Variants in LTBP3 observed in about 807,000 individuals in gnomAD.
The protein encoded by LTBP3 is latent transforming growth factor beta binding protein 3.
In LTBP3, 97 loss-of-function variants were observed where a neutral mutation model predicts 159.7. That is an observed-to-expected ratio of 0.61 (90% confidence interval 0.52 to 0.72). LTBP3 has a LOEUF of 0.72. Among genes scored for constraint, LTBP3 ranks in the 30% least tolerant of loss-of-function variants. The pLI is 0.00. For missense variants in LTBP3, 1,584 were observed against 1,864.3 expected (o/e 0.85, Z 2.77); for synonymous variants, 824 against 777.1 (o/e 1.06, Z -1.00).
At chr11:65,540,734 C>CAGGAGGGGCGGGGCCTAT in intron 21 of LTBP3, 120 bp from the exon 22 acceptor site, 1 of 1,515,658 alleles carries the variant, frequency 6.6e-7, no homozygotes, top group Non-Finnish European at 9.0e-7. Flanking sequence ...GCGGGGCCTA[C>CAGGAGGGGCGGGGCCTAT]AGGGCGGGGC....
Position 65,551,572 on chromosome 11 carries a change from GGAA to G in LTBP3, c.1532-11_1532-9del. The G allele has an allele frequency of 2.5e-6, 4 of 1,613,996 alleles. No homozygotes were observed. The highest frequency in any genetic ancestry group is 1.1e-5 in the South Asian group (1 of 91,082). On this transcript the variant is annotated splice_polypyrimidine_tract_variant and intron_variant, in intron 8 of 27. Coordinates refer to ENST00000301873, the MANE Select transcript of LTBP3 (RefSeq NM_001130144.3). ...CTGAGTCCGTGGTCACCCCTAAAAG[GGAA>G]GAAGATGGGGCCATGAAGTGTTGGG...
chr11:65,539,320 C>T lies in LTBP3; in HGVS notation c.3760+8G>A, dbSNP rs777237247. The T allele has an allele frequency of 2.4e-5, 37 of 1,512,084 alleles. 1 individual carries two copies. The South Asian group carries it at 3.8e-4, about 15-fold the overall frequency. The allele number at this position is 1,512,084 out of a possible 1,614,324, so 93.7% of individuals were successfully genotyped here. A position where few individuals can be genotyped will look rare whatever the true frequency, so the allele number is the denominator to read the frequency against. ...CGCCCCTGCCCCCACCCCCGAAGCC[C>T]GGCTCACCCACGCAGCGGGCGCGGG... On this transcript the variant is annotated splice_region_variant and intron_variant, in intron 27 of 27. Transcript: ENST00000301873.
Position 65,540,348 on chromosome 11 carries a change from C to T in LTBP3, c.3141G>A (p.Arg1047=), listed in dbSNP as rs1173783574. The T allele has an allele frequency of 2.5e-6, 4 of 1,588,512 alleles. No homozygotes were observed. Among genetic ancestry groups the T allele is most frequent in the South Asian group, 1.1e-5 (1 of 87,728 alleles). ...VDECLDESNC[R]NGVCENTRGG... ...CGCGCGTGTTCTCACACACTCCGTTCCGGCAGTTGGACTCGTCCAGGCACT... is the reference window on the plus strand; with the variant it reads ...CGCGCGTGTTCTCACACACTCCGTTTCGGCAGTTGGACTCGTCCAGGCACT... Residue 1047 remains arginine (R), a synonymous_variant, in exon 23 of 28, where the codon CGG becomes CGA. Transcript: ENST00000301873.
chr11:65,539,026 G>T lies in LTBP3; in HGVS notation c.*54C>A, dbSNP rs1028187712. ...TCGGGGCAGAAGTGAGGCCGAGCTC[G>T]CGGAAATCCCTCAGTGATCACCGAG... On this transcript the variant is annotated 3_prime_UTR_variant, in exon 28 of 28. Coordinates refer to ENST00000301873, the MANE Select transcript of LTBP3 (RefSeq NM_001130144.3). The T allele has an allele frequency of 9.0e-6, 12 of 1,326,354 alleles. No homozygotes were observed. The highest frequency in any genetic ancestry group is 1.2e-5 in the Non-Finnish European group (12 of 1,039,546). 82.2% of individuals were successfully genotyped at this position (1,326,354 alleles called of 1,614,324 possible).
chr11:65,547,873 G>T lies in LTBP3; in HGVS notation c.1846+47C>A, dbSNP rs1205741671. ...AGTCAAAGGAAGCGTCGTTATCTGG[G>T]GTCCCCCCCCACCCACCTGCATGCC... On this transcript the variant is annotated intron_variant, in intron 12 of 27. Transcript: ENST00000301873. This position sits in a 1 kb window ranked among gnomAD's most constrained non-coding sequence, Gnocchi z 4.6. 6.2e-7 allele frequency: 1 copy of T among 1,613,130 alleles called. No individual in the cohort carries two copies. Among genetic ancestry groups the T allele is most frequent in the Non-Finnish European group, 8.5e-7 (1 of 1,179,914 alleles).
In LTBP3 at chr11:65,541,630, T is replaced by C. The variant is rs751715996; in HGVS notation, c.2695A>G (p.Thr899Ala). The C allele has an allele frequency of 1.2e-6, 2 of 1,613,762 alleles. No homozygotes were observed. Among genetic ancestry groups the C allele is most frequent in the South Asian group, 2.2e-5 (2 of 91,072 alleles). Reference sequence around the variant, plus strand: ...CAACCGTGCTGGTCCTGGGTGGGAGTGAAGCCCTCATCGCAGACACACACA... The same window carrying C: ...CAACCGTGCTGGTCCTGGGTGGGAGCGAAGCCCTCATCGCAGACACACACA... ...SYVCVCDEGFTPTQDQHGCEE... is the reference protein window; with the variant it reads ...SYVCVCDEGFAPTQDQHGCEE... Residue 899 changes from threonine to alanine, a missense_variant, in exon 19 of 28, where the codon ACT (threonine) becomes GCT (alanine). By Grantham distance (58) the Thr-to-Ala change is moderately conservative. This residue lies in a region of LTBP3 where 565 missense variants were observed against 677.7 expected (regional missense o/e 0.83). Coordinates refer to ENST00000301873, the MANE Select transcript of LTBP3 (RefSeq NM_001130144.3).
In LTBP3 at chr11:65,539,575, G is replaced by A. The variant is rs763322985; in HGVS notation, c.3601C>T (p.Pro1201Ser). Residue 1201 changes from proline (P) to serine (S), a missense_variant, in exon 26 of 28, where the codon CCC becomes TCC. By Grantham distance (74) the Pro-to-Ser change is moderately conservative. Around this residue, in one of 6 missense-constraint regions of LTBP3, gnomAD observed 514 missense variants for 530.3 expected, o/e 0.97. Coordinates refer to ENST00000301873, the MANE Select transcript of LTBP3 (RefSeq NM_001130144.3). ...SESNSFWDTS[P>S]LLLGKPPRDE... is the part of the protein sequence containing the mutation. The stretch of plus-strand genomic sequence containing the variant: ...CTTGGGGGCTTCCCCAACAGCAGGG[G>A]GCTTGTGTCCCAGAAGGAATTGCTC... The A allele has an allele frequency of 4.3e-6, 7 of 1,612,716 alleles. No individual in the cohort carries two copies. Among genetic ancestry groups the A allele is most frequent in the Admixed American group, 1.7e-5 (1 of 59,940 alleles).
rs371902308 is a variant in LTBP3, at chr11:65,557,610, C to G, written c.331+19G>C. 3.4e-5 allele frequency: 55 copies of G among 1,606,882 alleles called. No homozygotes were observed. The African/African-American group carries it at 6.5e-4, about 19-fold the overall frequency. On this transcript the variant is annotated intron_variant, in intron 1 of 27. Coordinates refer to ENST00000301873, the MANE Select transcript of LTBP3 (RefSeq NM_001130144.3). ...GTGCCTGTCCTTCCCCTGCCCCCAG[C>G]CGTGCCCCCGGCCCTCACCCACGCG...
Position 65,539,164 on chromosome 11 carries a change from G to A in LTBP3, c.3828C>T (p.Thr1276=). The change falls in exon 28 of 28, where the codon ACC becomes ACT. Residue 1276 remains threonine (T), a synonymous_variant. Coordinates refer to ENST00000301873, the MANE Select transcript of LTBP3 (RefSeq NM_001130144.3). ...LLCKSERCVN[T]SGSFRCVCKA... ...TGCAGACGCAGCGGAAGGAGCCGCT[G>A]GTGTTCACGCAGCGCTCGCTCTTGC... The A allele has an allele frequency of 6.6e-7, 1 of 1,505,754 alleles. No homozygotes were observed. The highest frequency in any genetic ancestry group is 8.9e-7 in the Non-Finnish European group (1 of 1,122,788). 93.3% of individuals were successfully genotyped at this position (1,505,754 alleles called of 1,614,324 possible). A position where few individuals can be genotyped will look rare whatever the true frequency, so the allele number is the denominator to read the frequency against.
chr11:65,551,791 G>A (rs1856622946), intron 8 of LTBP3, 181 bp downstream of exon 8: 2 of 930,486 alleles, frequency 2.1e-6, no homozygotes, highest in Admixed American at 1.8e-5. Context: ...AGGCTTAGGA[G>A]GTTATAGCTC....
intron 26 of LTBP3, 30 bp downstream of exon 26, chr11:65,539,518 C>A: frequency 6.2e-7 from 1 of 1,606,262 alleles, no homozygotes; most frequent in South Asian, 1.1e-5. Flanking sequence ...GGCTACCAAC[C>A]CCGCCACCGC....
In LTBP3 at chr11:65,558,110, G is replaced by T. The variant is rs1856878198; in HGVS notation, c.-151C>A. On this transcript the variant is annotated 5_prime_UTR_variant, in exon 1 of 28. Coordinates refer to ENST00000301873, the MANE Select transcript of LTBP3 (RefSeq NM_001130144.3). ...AAGCGGGCGGGAGGGGACCGCGGGG[G>T]CCCGGCGGGAGGCGCGGAGATGCAG... 9.3e-7 allele frequency: 1 copy of T among 1,078,798 alleles called. No homozygotes were observed. The highest frequency in any genetic ancestry group is 1.1e-6 in the Non-Finnish European group (1 of 889,040). The allele number at this position is 1,078,798 out of a possible 1,614,324, so 66.8% of individuals were successfully genotyped here.
intron 24 of LTBP3, 57 bp from the exon 25 acceptor site, chr11:65,539,938 G>GCCCCA (rs1337861517): frequency 2.2e-5 from 32 of 1,470,064 alleles, no homozygotes; most frequent in Non-Finnish European, 2.8e-5. Flanking sequence ...GCCCGCCTCC[G>GCCCCA]CCCCACCCCA....
Position 65,547,945 on chromosome 11 carries a change from T to G in LTBP3, c.1821A>C (p.Ser607=). Residue 607 remains serine, a synonymous_variant, in exon 12 of 28, where the codon TCA becomes TCC. Transcript: ENST00000301873. The surrounding 1 kb of genome is among the most constrained non-coding windows in gnomAD (Gnocchi z 4.6). ...YSCHCNPGYR[S]HPQHRYCVDV... ...CCACGCAGTAGCGGTGCTGGGGATG[T>G]GACCGGTAGCCGGGGTTGCAGTGGC... 6.2e-7 allele frequency: 1 copy of G among 1,613,696 alleles called. No individual in the cohort carries two copies. The highest frequency in any genetic ancestry group is 8.5e-7 in the Non-Finnish European group (1 of 1,179,948).
rs371428846 is a variant in LTBP3, at chr11:65,539,627, C to T, written c.3549G>A (p.Gly1183=). ...QCRPCPPRGA[G]SHCPTSQSES... ...CGCTCTGCGATGTCGGGCAATGGGA[C>T]CCTGGGAGGAGCAGAACTGGTCAGC... is the stretch of plus-strand genomic sequence containing the variant. The change falls in exon 26 of 28, where the codon GGG becomes GGA. Residue 1183 remains glycine (G), a splice_region_variant and synonymous_variant. Coordinates refer to ENST00000301873, the MANE Select transcript of LTBP3 (RefSeq NM_001130144.3). 2.0e-5 allele frequency: 33 copies of T among 1,609,894 alleles called. No individual in the cohort carries two copies. The highest frequency in any genetic ancestry group is 2.8e-5 in the Non-Finnish European group (33 of 1,178,750).
At chr11:65,551,610 G>C in intron 8 of LTBP3, 46 bp from the exon 9 acceptor site, 1 of 1,613,324 alleles carries the variant, frequency 6.2e-7, no homozygotes, top group Non-Finnish European at 8.5e-7. Context: ...GGCGGGAGAA[G>C]GGAGTCAGAT....
At chr11:65,549,761 A>G (rs1321758844) in intron 11 of LTBP3, among the ~76,000 whole-genome samples, 25 of 146,774 alleles carry the variant, frequency 1.7e-4, no homozygotes, top group Admixed American at 2.7e-4. Context: ...GGCCGGGAAA[A>G]AAAAAAAAAA....
chr11:65,546,363 T>A lies in LTBP3; in HGVS notation c.2353+79A>T, dbSNP rs1029550964. ...GAATGAGCCACCTTCCACCCACTGT[T>A]TACAGACAGCGTGACCCGCTCCCCG... On this transcript the variant is annotated intron_variant, in intron 16 of 27. Coordinates refer to ENST00000301873, the MANE Select transcript of LTBP3 (RefSeq NM_001130144.3). The surrounding 1 kb of genome is among the most constrained non-coding windows in gnomAD (Gnocchi z 4.0). 7 of 1,456,010 alleles carry A rather than the reference T, an allele frequency of 4.8e-6. No individual in the cohort carries two copies. The highest frequency in any genetic ancestry group is 3.6e-6 in the Non-Finnish European group (4 of 1,105,196). 90.2% of individuals were successfully genotyped at this position (1,456,010 alleles called of 1,614,324 possible). A position where few individuals can be genotyped will look rare whatever the true frequency, so the allele number is the denominator to read the frequency against.
In LTBP3 at chr11:65,539,993, A is replaced by C; in HGVS notation, c.3385+20T>G. On this transcript the variant is annotated intron_variant, in intron 24 of 27. Coordinates refer to ENST00000301873, the MANE Select transcript of LTBP3 (RefSeq NM_001130144.3). The stretch of plus-strand genomic sequence containing the variant: ...ACGGACAGGGCCCCGGGATCGGCCA[A>C]GGCCAACCCTCGCCCTCACCGGCCG... 6.8e-7 allele frequency: 1 copy of C among 1,475,116 alleles called. No homozygotes were observed. Among genetic ancestry groups the C allele is most frequent in the Non-Finnish European group, 8.9e-7 (1 of 1,119,516 alleles). 91.4% of individuals were successfully genotyped at this position (1,475,116 alleles called of 1,614,324 possible).
Sources: allele counts gnomAD v4.1 joint callset (sites outside exome capture counted in the v4.1 genomes callset), GRCh38; gene constraint gnomAD v4.1.1; regional missense constraint gnomAD v4.1.1; non-coding constraint Gnocchi (gnomAD v3.1); transcripts MANE v1.5; gene names NCBI Gene and HGNC (gene_info 2026-07-23, HGNC 2026-07-21).